The following EFNA3 variants were observed in gnomAD, a reference collection of about 807,000 sequenced individuals.
The protein encoded by EFNA3 is ephrin A3, also known as ephrin-A3.
In EFNA3, 15 loss-of-function variants were observed where a neutral mutation model predicts 25.0. That is an observed-to-expected ratio of 0.60 (90% confidence interval 0.40 to 0.92). EFNA3 has a LOEUF of 0.92. Ranked by LOEUF, EFNA3 falls within the 40% of genes least tolerant of loss-of-function variation. EFNA3 has a pLI of 0.00. For missense variants in EFNA3, 298 were observed against 323.8 expected, an observed-to-expected ratio of 0.92 and a Z score of 0.61; for synonymous variants, 153 against 145.6, an observed-to-expected ratio of 1.05 and a Z score of -0.37.
rs531789433 is a variant in EFNA3 at position 155,079,446 on chromosome 1, G to T, written c.128+377G>T. 2.1e-4 allele frequency among the ~76,000 whole-genome samples: 32 copies of T among 152,282 alleles called. No individual in the cohort carries two copies. The South Asian group carries it at 4.8e-3, about 23-fold the overall frequency. On this transcript the variant is annotated intron_variant, in intron 1 of 4. Transcript: ENST00000368408. The surrounding 1 kb of genome is among the most constrained non-coding windows in gnomAD (Gnocchi z 7.7). ...CCGCTGCATTTTGGGGCCCAGGGAT[G>T]ACCTGTTTTTGGCCATGAGGGCTTC...
In EFNA3 at chr1:155,080,731, C is replaced by T. The variant is rs1558144367; in HGVS notation, c.128+1662C>T. ...GCATACACCTGGGCGCAGGTGAAAG[C>T]TCAGGGAGCGGGTGGGGGAGCCCGG... is the stretch of plus-strand genomic sequence containing the variant. On this transcript the variant is annotated intron_variant, in intron 1 of 4. Transcript: ENST00000368408. This position sits in a 1 kb window ranked among gnomAD's most constrained non-coding sequence, Gnocchi z 7.0. 6.6e-6 allele frequency among the ~76,000 whole-genome samples: 1 copy of T among 152,144 alleles called. No homozygotes were observed. The highest frequency in any genetic ancestry group is 1.9e-4 in the East Asian group (1 of 5,188).
chr1:155,083,003 T>TG (rs950990374), intron 1 of EFNA3, among the ~76,000 whole-genome samples: 35 of 152,144 alleles, frequency 2.3e-4, no homozygotes, highest in African/African-American at 5.8e-4. Context: ...TGCCCAGCCT[T>TG]GGGGGGGCAT....
At position 155,086,395 on chromosome 1, in the gene EFNA3, C is replaced by T. The variant is rs778663571; in HGVS notation, c.587-18C>T. On this transcript the variant is annotated intron_variant, in intron 4 of 4. Transcript: ENST00000368408. ...CGCAACCCAGCCCTCACCAGTCTGT[C>T]TGTTCCTCTGTCCACAGAAGACTTT... 12 of 1,613,356 alleles carry T rather than the reference C, an allele frequency of 7.4e-6. No individual in the cohort carries two copies. The African/African-American group carries it at 1.5e-4, about 20-fold the overall frequency.
intron 3 of EFNA3, 24 bp from the exon 4 acceptor site, chr1:155,086,104 C>CCCCCCCCCCCCCCCCCCCCCCA: frequency 6.6e-7 from 1 of 1,526,534 alleles, no homozygotes; most frequent in Non-Finnish European, 9.0e-7. Context: ...CCTCCTCTCT[C>CCCCCCCCCCCCCCCCCCCCCCA]CCCACCCGCA....
chr1:155,086,150 G>T lies in EFNA3; in HGVS notation c.531G>T (p.Pro177=), dbSNP rs1427946554. ...CAGCATCGCACTCCGGGGAGAAGCC[G>T]GTCCCCACTCTCCCCCAGTTCACCA... The part of the protein sequence containing the change: ...CASTSHSGEK[P]VPTLPQFTMG... The change falls in exon 4 of 5, where the codon CCG becomes CCT. Residue 177 remains proline (P), a synonymous_variant. Transcript: ENST00000368408. 21 of 1,426,154 alleles carry T rather than the reference G, an allele frequency of 1.5e-5. No homozygotes were observed. The highest frequency in any genetic ancestry group is 1.4e-5 in the Non-Finnish European group (15 of 1,060,354). 88.3% of individuals were successfully genotyped at this position (1,426,154 alleles called of 1,614,324 possible).
intron 1 of EFNA3, among the ~76,000 whole-genome samples, chr1:155,083,817 C>T (rs1479785805): frequency 3.3e-5 from 5 of 152,196 alleles, no homozygotes; most frequent in African/African-American, 4.8e-5. Context: ...CTAGGGACCC[C>T]GTGGTATGAC....
At chr1:155,082,466 C>T (rs2102452207) in intron 1 of EFNA3, among the ~76,000 whole-genome samples, 1 of 152,340 alleles carries the variant, frequency 6.6e-6, no homozygotes, top group Non-Finnish European at 1.5e-5. Context: ...CGCCTGCCCC[C>T]TCCGCGGACA....
Position 155,085,629 on chromosome 1 carries a change from G to A in EFNA3, c.442+225G>A, listed in dbSNP as rs1001917744. On this transcript the variant is annotated intron_variant, in intron 2 of 4. Coordinates refer to ENST00000368408, the MANE Select transcript of EFNA3 (RefSeq NM_004952.5). The surrounding 1 kb of genome is among the most constrained non-coding windows in gnomAD (Gnocchi z 4.4). Reference sequence around the variant, plus strand: ...GACAGTCCCAAGTTTGGGCTGCGGAGAATCGCTGTTTCTGTGAGGGACATT... The same window carrying A: ...GACAGTCCCAAGTTTGGGCTGCGGAAAATCGCTGTTTCTGTGAGGGACATT... The A allele has an allele frequency of 1.4e-6, 1 of 690,786 alleles. No homozygotes were observed. The highest frequency in any genetic ancestry group is 1.9e-5 in the South Asian group (1 of 51,642). 42.8% of individuals were successfully genotyped at this position (690,786 alleles called of 1,614,324 possible). A position where few individuals can be genotyped will look rare whatever the true frequency, so the allele number is the denominator to read the frequency against.
rs910825579 is a variant in EFNA3 at position 155,087,404 on chromosome 1, G to A, written c.*861G>A. The A allele has an allele frequency of 2.0e-5, 3 of 152,902 alleles. No individual in the cohort carries two copies. The highest frequency in any genetic ancestry group is 4.4e-5 in the Non-Finnish European group (3 of 68,184). The allele number at this position is 152,902 out of a possible 1,614,324, so 9.5% of individuals were successfully genotyped here. ...CCCCTCCCTTCCAGCCCTGAGCCGGGAACCATCTCCCAGGACCTTGCCCTG... is the reference window on the plus strand; with the variant it reads ...CCCCTCCCTTCCAGCCCTGAGCCGGAAACCATCTCCCAGGACCTTGCCCTG... On this transcript the variant is annotated 3_prime_UTR_variant, in exon 5 of 5. Transcript: ENST00000368408.
Position 155,086,981 on chromosome 1 carries a change from G to C in EFNA3, c.*438G>C, listed in dbSNP as rs574837447. ...ATGGGGAGGGGACTAGATGGGCAAGGGGCAGCACTGCCTGCTGCTTCCTTC... is the reference window on the plus strand; with the variant it reads ...ATGGGGAGGGGACTAGATGGGCAAGCGGCAGCACTGCCTGCTGCTTCCTTC... On this transcript the variant is annotated 3_prime_UTR_variant, in exon 5 of 5. Transcript: ENST00000368408. 6.3e-6 allele frequency: 1 copy of C among 159,288 alleles called. No individual in the cohort carries two copies. Among genetic ancestry groups the C allele is most frequent in the South Asian group, 1.7e-4 (1 of 6,014 alleles). 9.9% of individuals were successfully genotyped at this position (159,288 alleles called of 1,614,324 possible).
At position 155,079,847 on chromosome 1, in the gene EFNA3, C is replaced by T. The variant is rs940328543; in HGVS notation, c.128+778C>T. On this transcript the variant is annotated intron_variant, in intron 1 of 4. Transcript: ENST00000368408. The surrounding 1 kb of genome is among the most constrained non-coding windows in gnomAD (Gnocchi z 7.7). ...GTCGGCGATCGTCTGGGGGTGGGAG[C>T]GGGCTGCGGGTCGGGGAAGGGGCTG... Among the ~76,000 whole-genome samples, 2 of 151,690 alleles carry T rather than the reference C, an allele frequency of 1.3e-5. No homozygotes were observed. Among genetic ancestry groups the T allele is most frequent in the Non-Finnish European group, 2.9e-5 (2 of 67,932 alleles).
At chr1:155,086,103 T>TCCCCCCCCCCCCC in intron 3 of EFNA3, 25 bp from the exon 4 acceptor site, 9 of 1,577,712 alleles carry the variant, frequency 5.7e-6, no homozygotes, top group Non-Finnish European at 7.8e-6. Context: ...CCCTCCTCTC[T>TCCCCCCCCCCCCC]CCCCACCCGC....
chr1:155,083,421 C>T (rs988004102), intron 1 of EFNA3, among the ~76,000 whole-genome samples: 1 of 152,248 alleles, frequency 6.6e-6, no homozygotes, highest in Non-Finnish European at 1.5e-5. Context: ...AACCCGTTTT[C>T]CTGCTCCCAG....
At chr1:155,084,941 C>A in intron 1 of EFNA3, 150 bp from the exon 2 acceptor site, 1 of 836,924 alleles carries the variant, frequency 1.2e-6, no homozygotes. Context: ...ACTAGGGCCC[C>A]GGGGGCAGAG....
Position 155,078,971 on chromosome 1 carries a change from G to T in EFNA3, c.30G>T (p.Leu10=). 7.0e-7 allele frequency: 1 copy of T among 1,433,202 alleles called. No individual in the cohort carries two copies. The highest frequency in any genetic ancestry group is 9.2e-7 in the Non-Finnish European group (1 of 1,092,122). The allele number at this position is 1,433,202 out of a possible 1,614,324, so 88.8% of individuals were successfully genotyped here. Residue 10 remains leucine, a synonymous_variant, in exon 1 of 5, where the codon CTG becomes CTT. Transcript: ENST00000368408. The stretch of plus-strand genomic sequence containing the variant: ...CGGCGGCTCCGCTGCTGCTGCTGCT[G>T]CTGCTCGTGCCCGTGCCGCTGCTGC... MAAAPLLLL[L]LLVPVPLLPL...
At chr1:155,082,672 C>A (rs1356553047) in intron 1 of EFNA3, among the ~76,000 whole-genome samples, 1 of 152,144 alleles carries the variant, frequency 6.6e-6, no homozygotes, top group Non-Finnish European at 1.5e-5. Flanking sequence ...TGAAGTGGAG[C>A]AAGAAGAGAG....
rs1663471533 is a variant in EFNA3 at position 155,086,670 on chromosome 1, A to G, written c.*127A>G. The G allele has an allele frequency of 3.3e-6, 4 of 1,227,090 alleles. No homozygotes were observed. Among genetic ancestry groups the G allele is most frequent in the Non-Finnish European group, 4.5e-6 (4 of 888,220 alleles). The allele number at this position is 1,227,090 out of a possible 1,614,324, so 76.0% of individuals were successfully genotyped here. Reference sequence around the variant, plus strand: ...TCCCATGGCTAGAAGTGGGGCCTGCACCATACATCTGTGTCCGCCCCCTCT... The same window carrying G: ...TCCCATGGCTAGAAGTGGGGCCTGCGCCATACATCTGTGTCCGCCCCCTCT... On this transcript the variant is annotated 3_prime_UTR_variant, in exon 5 of 5. Transcript: ENST00000368408.
rs549716750 is a variant in EFNA3 at position 155,080,868 on chromosome 1, C to T, written c.128+1799C>T. ...CTGCCGCCGCCCCCGCCTCGCTTCC[C>T]GGGCCTTTGTTGCCGCTGCGCCCGG... On this transcript the variant is annotated intron_variant, in intron 1 of 4. Transcript: ENST00000368408. This position sits in a 1 kb window ranked among gnomAD's most constrained non-coding sequence, Gnocchi z 7.0. Among the ~76,000 whole-genome samples the T allele has an allele frequency of 5.3e-5, 8 of 152,276 alleles. No homozygotes were observed. The highest frequency in any genetic ancestry group is 1.2e-4 in the African/African-American group (5 of 41,570).
At position 155,079,423 on chromosome 1, in the gene EFNA3, G is replaced by A. The variant is rs1055888905; in HGVS notation, c.128+354G>A. Among the ~76,000 whole-genome samples, 2 of 152,188 alleles carry A rather than the reference G, an allele frequency of 1.3e-5. No individual in the cohort carries two copies. Among genetic ancestry groups the A allele is most frequent in the African/African-American group, 4.8e-5 (2 of 41,446 alleles). ...GGTAGCGCTGTGCTGGGGATAGGCCGCTGCATTTTGGGGCCCAGGGATGAC... is the reference window on the plus strand; with the variant it reads ...GGTAGCGCTGTGCTGGGGATAGGCCACTGCATTTTGGGGCCCAGGGATGAC... On this transcript the variant is annotated intron_variant, in intron 1 of 4. Coordinates refer to ENST00000368408, the MANE Select transcript of EFNA3 (RefSeq NM_004952.5). This position sits in a 1 kb window ranked among gnomAD's most constrained non-coding sequence, Gnocchi z 7.7.
Sources: allele counts gnomAD v4.1 joint callset (sites outside exome capture counted in the v4.1 genomes callset), GRCh38; gene constraint gnomAD v4.1.1; non-coding constraint Gnocchi (gnomAD v3.1); transcripts MANE v1.5; gene names NCBI Gene and HGNC (gene_info 2026-07-23, HGNC 2026-07-21).